COG5: variants seen among roughly 807,000 people sequenced by gnomAD.
COG5 encodes component of oligomeric golgi complex 5, also known as conserved oligomeric Golgi complex subunit 5.
COG5 carries 86 observed loss-of-function variants against 110.4 expected under a neutral mutation model. That is an observed-to-expected ratio of 0.78 (90% CI 0.65 to 0.93). The LOEUF (loss-of-function observed/expected upper bound fraction) is 0.93, where lower values mean the gene tolerates loss of function less well. Among genes scored for constraint, COG5 ranks in the 40% least tolerant of loss-of-function variants. The pLI is 0.00. For synonymous variants in COG5, 360 were observed against 334.6 expected, an observed-to-expected ratio of 1.08 and a Z score of -0.83; for missense variants, 1,077 against 987.0, an observed-to-expected ratio of 1.09 and a Z score of -1.22.
At chr7:107,212,419 A>G (rs1011163163) in intron 19 of COG5, among the ~76,000 whole-genome samples, 1 of 152,254 alleles carries the variant, frequency 6.6e-6, no homozygotes, top group East Asian at 1.9e-4. Flanking sequence ...ATAATTTCAC[A>G]GTGTTCAATG....
At chr7:107,340,252 G>A (rs1326209597) in intron 10 of COG5, among the ~76,000 whole-genome samples, 1 of 152,070 alleles carries the variant, frequency 6.6e-6, no homozygotes, top group Non-Finnish European at 1.5e-5. Context: ...ACATCTCTAT[G>A]CGTACAAACT....
At chr7:107,531,262 T>G (rs1032826094) in intron 5 of COG5, among the ~76,000 whole-genome samples, 4 of 152,156 alleles carry the variant, frequency 2.6e-5, no homozygotes, top group Admixed American at 6.5e-5. Flanking sequence ...TGTAAATTAG[T>G]AGTTGGATGC....
At chr7:107,452,826 T>C (rs1287576733) in intron 6 of COG5, among the ~76,000 whole-genome samples, 1 of 152,206 alleles carries the variant, frequency 6.6e-6, no homozygotes, top group East Asian at 1.9e-4. Context: ...TGTCTCTTTG[T>C]ATGATACACT....
chr7:107,460,688 A>G (rs1795936153), intron 6 of COG5, among the ~76,000 whole-genome samples: 1 of 152,130 alleles, frequency 6.6e-6, no homozygotes, highest in Non-Finnish European at 1.5e-5. Context: ...TTATTTCTGA[A>G]GATTGAGAAA....
rs375537266 is a variant in COG5, at chr7:107,558,026, C to T, written c.184G>A (p.Ala62Thr). 1.6e-5 allele frequency: 26 copies of T among 1,613,892 alleles called. No homozygotes were observed. The highest frequency in any genetic ancestry group is 2.2e-5 in the Non-Finnish European group (26 of 1,179,984). Residue 62 changes from alanine (A) to threonine (T), a missense_variant, in exon 2 of 22, where the codon GCA becomes ACA. Transcript: ENST00000297135. ...IHQAVIAEQL[A>T]KLAQGISQLD... Reference sequence around the variant, plus strand: ...TGACTGATTCCTTGGGCAAGTTTTGCTAGTTGTTCAGCAATTACAGCTTGA... The same window carrying T: ...TGACTGATTCCTTGGGCAAGTTTTGTTAGTTGTTCAGCAATTACAGCTTGA...
chr7:107,270,853 TA>T (rs796562132), intron 14 of COG5, among the ~76,000 whole-genome samples: 154 of 149,218 alleles, frequency 1.0e-3, no homozygotes, highest in African/African-American at 3.6e-3. Flanking sequence ...CTTGTGCTAA[TA>T]TTTTATACTT....
At chr7:107,344,540 T>G (rs1811435839) in intron 10 of COG5, among the ~76,000 whole-genome samples, 1 of 152,192 alleles carries the variant, frequency 6.6e-6, no homozygotes, top group Non-Finnish European at 1.5e-5. Flanking sequence ...ATTTATTTAT[T>G]TTAGACGGAG....
chr7:107,518,945 C>T (rs1452594572), intron 6 of COG5, among the ~76,000 whole-genome samples: 3 of 151,940 alleles, frequency 2.0e-5, no homozygotes, highest in Admixed American at 6.6e-5. Flanking sequence ...GAATGGAAAT[C>T]ATAACAAACA....
chr7:107,292,190 C>G (rs1806232404), intron 12 of COG5, among the ~76,000 whole-genome samples: 1 of 152,178 alleles, frequency 6.6e-6, no homozygotes, highest in South Asian at 2.1e-4. Context: ...GTGTGGACTA[C>G]CAAGCCCAGT....
At chr7:107,324,202 T>C (rs1469462381) in intron 11 of COG5, among the ~76,000 whole-genome samples, 1 of 152,158 alleles carries the variant, frequency 6.6e-6, no homozygotes, top group Admixed American at 6.5e-5. Context: ...GATATTGACT[T>C]ATTTTTCTGG....
At chr7:107,467,544 G>A (rs969709798) in intron 6 of COG5, among the ~76,000 whole-genome samples, 2 of 151,918 alleles carry the variant, frequency 1.3e-5, no homozygotes, top group African/African-American at 2.4e-5. Flanking sequence ...TAGAGACAGG[G>A]TTTCACCATG....
intron 12 of COG5, 51 bp from the exon 13 acceptor site, chr7:107,283,783 T>C: frequency 3.7e-6 from 5 of 1,342,606 alleles, no homozygotes; most frequent in Non-Finnish European, 4.3e-6. Context: ...CAGAGCTAAA[T>C]GCTATTGTAT....
Position 107,555,881 on chromosome 7 carries a change from G to A in COG5, c.235-1539C>T, listed in dbSNP as rs183647511. ...ACAAAAAAATTAGCTACGTGTGGTG[G>A]TGCACACCTGTAATCTCAGCTACTC... is the stretch of plus-strand genomic sequence containing the variant. On this transcript the variant is annotated intron_variant, in intron 2 of 21. Coordinates refer to ENST00000297135, the MANE Select transcript of COG5 (RefSeq NM_006348.5). Among the ~76,000 whole-genome samples the A allele has an allele frequency of 1.8e-3, 281 of 152,208 alleles. 3 individuals are homozygous for A. The highest frequency in any genetic ancestry group is 6.5e-3 in the African/African-American group (270 of 41,526).
chr7:107,357,250 T>C (rs557430857), intron 10 of COG5, among the ~76,000 whole-genome samples: 8 of 152,324 alleles, frequency 5.3e-5, no homozygotes, highest in African/African-American at 1.7e-4. Context: ...GTGCTAAATA[T>C]TGAGGACCTT....
At chr7:107,473,743 T>C (rs1445522474) in intron 6 of COG5, among the ~76,000 whole-genome samples, 1 of 151,980 alleles carries the variant, frequency 6.6e-6, no homozygotes, top group Non-Finnish European at 1.5e-5. Context: ...ATACACTTTA[T>C]CTCAAATAAT....
At chr7:107,375,561 C>T (rs540055437) in intron 7 of COG5, among the ~76,000 whole-genome samples, 8 of 152,044 alleles carry the variant, frequency 5.3e-5, no homozygotes, top group African/African-American at 1.9e-4. Flanking sequence ...TGAGTGAGTA[C>T]TATGATTTTA....
intron 7 of COG5, among the ~76,000 whole-genome samples, chr7:107,379,630 C>T (rs574879844): frequency 6.7e-6 from 1 of 148,708 alleles, no homozygotes; most frequent in East Asian, 2.0e-4. Context: ...GGGTTGCAAT[C>T]CTAGTTTTTG....
chr7:107,432,840 G>A (rs1396757008), intron 6 of COG5, among the ~76,000 whole-genome samples: 4 of 151,666 alleles, frequency 2.6e-5, no homozygotes, highest in Non-Finnish European at 5.9e-5. Context: ...AGAACAATTA[G>A]GCAAGAAAAG....
At chr7:107,424,476 T>C (rs1563026786) in intron 6 of COG5, among the ~76,000 whole-genome samples, 1 of 151,770 alleles carries the variant, frequency 6.6e-6, no homozygotes. Flanking sequence ...CAAGTGCAGG[T>C]TATTGACACC....
Sources: gnomAD v4.1 joint callset for allele counts (sites outside exome capture counted in the v4.1 genomes callset) on GRCh38, gnomAD v4.1.1 for gene constraint, MANE v1.5 for transcripts, NCBI Gene and HGNC (gene_info 2026-07-23, HGNC 2026-07-21) for gene names.